The following ANHX variants were observed in gnomAD, a reference collection of about 807,000 sequenced individuals.
ANHX encodes anomalous homeobox, also known as anomalous homeobox protein.
ANHX carries 20 observed loss-of-function variants against 38.9 expected under a neutral mutation model. That is an observed-to-expected ratio of 0.51 (90% confidence interval 0.36 to 0.75). The LOEUF is 0.75. ANHX is among the 30% of genes least tolerant of loss of function. ANHX has a pLI of 0.00. For synonymous variants in ANHX, 185 were observed against 203.1 expected (o/e 0.91, Z 0.76); for missense variants, 475 against 493.1 (o/e 0.96, Z 0.35).
intron 3 of ANHX, among the ~76,000 whole-genome samples, chr12:133,231,196 T>C (rs1957268808): frequency 6.6e-6 from 1 of 152,178 alleles, no homozygotes; most frequent in Non-Finnish European, 1.5e-5. Flanking sequence ...AGTCCCTGGG[T>C]GGATGCTGGG....
chr12:133,223,189 C>CA (rs762366877), intron 7 of ANHX, among the ~76,000 whole-genome samples: 15,322 of 148,404 alleles, frequency 0.1, 1,508 homozygotes, highest in African/African-American at 0.27. Flanking sequence ...AACTCCGCCT[C>CA]AAAAAAAAAT....
Position 133,227,001 on chromosome 12 carries a change from T to A in ANHX, c.653A>T (p.Asp218Val). 1 of 1,535,130 alleles carries A rather than the reference T, an allele frequency of 6.5e-7. No individual in the cohort carries two copies. The highest frequency in any genetic ancestry group is 1.2e-5 in the South Asian group (1 of 83,982). ...GGGGTTGCCTGAGGGCTGCAGGAGG[T>A]CAGGACCCCTCTCCCTCGCACCAGG... ...EDPGARERGP[D>V]LLQPSGNPRV... The change falls in exon 5 of 10, where the codon GAC (aspartate) becomes GTC (valine). Residue 218 changes from aspartate to valine, a missense_variant. Physicochemically the swap from Asp to Val is radical, Grantham distance 152. Coordinates refer to ENST00000545940, the MANE Select transcript of ANHX (RefSeq NM_001372060.1).
At position 133,221,603 on chromosome 12, in the gene ANHX, G is replaced by A. The variant is rs1389148220; in HGVS notation, c.1133-251C>T. 6.6e-6 allele frequency among the ~76,000 whole-genome samples: 1 copy of A among 152,272 alleles called. No homozygotes were observed. Among genetic ancestry groups the A allele is most frequent in the East Asian group, 1.9e-4 (1 of 5,164 alleles). On this transcript the variant is annotated intron_variant, in intron 7 of 9. Transcript: ENST00000545940. This position sits in a 1 kb window ranked among gnomAD's most constrained non-coding sequence, Gnocchi z 4.1. ...ACGGTTGCTTCTGCTGACTTTAAAT[G>A]CTGCTGTCATCGCAGACCTCATGTG...
At chr12:133,224,962 C>CAAAAAAAAAA (rs556045604) in intron 7 of ANHX, among the ~76,000 whole-genome samples, 1 of 87,292 alleles carries the variant, frequency 1.1e-5, no homozygotes, top group Admixed American at 1.2e-4. Context: ...GACTCCGTCT[C>CAAAAAAAAAA]AAAAAAAAAA....
intron 7 of ANHX, among the ~76,000 whole-genome samples, chr12:133,224,962 C>CAA (rs556045604): frequency 5.2e-4 from 45 of 87,242 alleles, no homozygotes; most frequent in Middle Eastern, 6.0e-3. Context: ...GACTCCGTCT[C>CAA]AAAAAAAAAA....
intron 7 of ANHX, among the ~76,000 whole-genome samples, chr12:133,222,008 G>A (rs1381834872): frequency 2.6e-5 from 4 of 152,086 alleles, no homozygotes; most frequent in African/African-American, 4.8e-5. Context: ...TGGAACAAGC[G>A]GCCTGGGGGT....
At chr12:133,228,939 G>C (rs1957230264) in intron 3 of ANHX, among the ~76,000 whole-genome samples, 1 of 152,066 alleles carries the variant, frequency 6.6e-6, no homozygotes, top group Non-Finnish European at 1.5e-5. Flanking sequence ...CTTGCACCTT[G>C]CCACTAAAAG....
At chr12:133,235,073 T>TCTGCCGTG (rs1957346619) in intron 1 of ANHX, 1 of 150,014 alleles carries the variant, frequency 6.7e-6, no homozygotes, top group Non-Finnish European at 1.5e-5. Context: ...AGGGGTTCTT[T>TCTGCCGTG]CTGCCGTGCG....
In ANHX at chr12:133,221,387, G is replaced by A; in HGVS notation, c.1133-35C>T. On this transcript the variant is annotated intron_variant, in intron 7 of 9. Transcript: ENST00000545940. This position sits in a 1 kb window ranked among gnomAD's most constrained non-coding sequence, Gnocchi z 4.1. ...ATGAGATTCCACGGCACACTGGCAGGAGAAAGGAGCAGAGCCCACGTGTGA... is the reference window on the plus strand; with the variant it reads ...ATGAGATTCCACGGCACACTGGCAGAAGAAAGGAGCAGAGCCCACGTGTGA... 1 of 1,521,550 alleles carries A rather than the reference G, an allele frequency of 6.6e-7. No homozygotes were observed. 94.3% of individuals were successfully genotyped at this position (1,521,550 alleles called of 1,614,324 possible). A position where few individuals can be genotyped will look rare whatever the true frequency, so the allele number is the denominator to read the frequency against.
At chr12:133,224,409 C>T (rs971868572) in intron 7 of ANHX, among the ~76,000 whole-genome samples, 4 of 152,110 alleles carry the variant, frequency 2.6e-5, no homozygotes, top group African/African-American at 9.7e-5. Context: ...CGCCTGTAAT[C>T]CCAGCATTTT....
chr12:133,224,018 C>G (rs1483446108), intron 7 of ANHX, among the ~76,000 whole-genome samples: 1 of 152,166 alleles, frequency 6.6e-6, no homozygotes, highest in Non-Finnish European at 1.5e-5. Context: ...CTTGCAGGCA[C>G]TCTTTCTTGC....
intron 2 of ANHX, among the ~76,000 whole-genome samples, chr12:133,232,121 C>G (rs987437565): frequency 1.2e-4 from 18 of 152,168 alleles, no homozygotes; most frequent in African/African-American, 4.3e-4. Flanking sequence ...TGATTCAAGT[C>G]TTACATGAAA....
intron 4 of ANHX, among the ~76,000 whole-genome samples, chr12:133,227,410 C>T (rs529372469): frequency 5.9e-5 from 9 of 152,338 alleles, no homozygotes; most frequent in African/African-American, 2.2e-4. Context: ...CTGAGTGGGG[C>T]CCTTGCTAGG....
chr12:133,218,889 C>T lies in ANHX; in HGVS notation c.1448G>A (p.Gly483Asp). 2.6e-6 allele frequency: 4 copies of T among 1,522,522 alleles called. No individual in the cohort carries two copies. The highest frequency in any genetic ancestry group is 3.5e-6 in the Non-Finnish European group (4 of 1,137,592). The allele number at this position is 1,522,522 out of a possible 1,614,324, so 94.3% of individuals were successfully genotyped here. A position where few individuals can be genotyped will look rare whatever the true frequency, so the allele number is the denominator to read the frequency against. ...MLLEFSGSSL[G>D] is the part of the protein sequence containing the mutation. ...TGTCTGGCTCCTGGGGATAGCTCAG[C>T]CCAGGCTGCTCCCTGAAAACTCAAG... Residue 483 changes from glycine (G) to aspartate (D), a missense_variant, in exon 10 of 10, where the codon GGC becomes GAC. Transcript: ENST00000545940.
intron 7 of ANHX, among the ~76,000 whole-genome samples, chr12:133,224,480 G>T (rs527556863): frequency 1.3e-5 from 2 of 151,056 alleles, no homozygotes; most frequent in Non-Finnish European, 2.9e-5. Context: ...TGGCTAACAT[G>T]GTGAAATGCT....
At chr12:133,232,970 G>A (rs564183653) in intron 2 of ANHX, among the ~76,000 whole-genome samples, 3 of 134,872 alleles carry the variant, frequency 2.2e-5, no homozygotes, top group African/African-American at 4.0e-5. Context: ...AAGGGGTAAC[G>A]GGGGGGCAAT....
intron 3 of ANHX, 118 bp from the exon 4 acceptor site, chr12:133,228,065 A>G: frequency 1.6e-6 from 2 of 1,227,766 alleles, no homozygotes; most frequent in Non-Finnish European, 2.2e-6. Context: ...CTCCTGGGGG[A>G]TGCCTCTCTC....
intron 8 of ANHX, among the ~76,000 whole-genome samples, chr12:133,220,722 C>T (rs998865476): frequency 6.6e-6 from 1 of 152,200 alleles, no homozygotes; most frequent in African/African-American, 2.4e-5. Flanking sequence ...GTCCTCCATC[C>T]CTCCTGTCTC....
chr12:133,234,496 T>C (rs1566413235), intron 1 of ANHX, 118 bp from the exon 2 acceptor site: 2 of 1,200,130 alleles, frequency 1.7e-6, no homozygotes, highest in East Asian at 2.6e-5. Flanking sequence ...TGGACACTTG[T>C]AGAGTAGGAA....
Sources: allele counts gnomAD v4.1 joint callset (sites outside exome capture counted in the v4.1 genomes callset), GRCh38; gene constraint gnomAD v4.1.1; non-coding constraint Gnocchi (gnomAD v3.1); transcripts MANE v1.5; gene names NCBI Gene and HGNC (gene_info 2026-07-23, HGNC 2026-07-21).